TLK1: variants seen among roughly 807,000 people sequenced by gnomAD.
TLK1 encodes serine/threonine-protein kinase tousled-like 1.
A neutral mutation model predicts 105.3 loss-of-function variants in TLK1; 24 were observed. The observed-to-expected ratio is 0.23, with a 90% CI of 0.17 to 0.32. The LOEUF (loss-of-function observed/expected upper bound fraction) is 0.32, where lower values mean the gene tolerates loss of function less well. TLK1 is among the 10% of genes least tolerant of loss of function. TLK1 has a pLI of 1.00. For synonymous variants in TLK1, 321 were observed against 310.4 expected (o/e 1.03, Z -0.36); for missense variants, 558 against 910.5 (o/e 0.61, Z 4.98).
In TLK1 at chr2:171,007,068, G is replaced by A; in HGVS notation, c.1417-5C>T. On this transcript the variant is annotated splice_region_variant and splice_polypyrimidine_tract_variant and intron_variant, in intron 14 of 20. Coordinates refer to ENST00000431350, the MANE Select transcript of TLK1 (RefSeq NM_012290.5). ...TTGTTCATAAAGGTCAAAAGCCTAGGATTTCAAGTCAAAAACAATTAAGAT... is the reference window on the plus strand; with the variant it reads ...TTGTTCATAAAGGTCAAAAGCCTAGAATTTCAAGTCAAAAACAATTAAGAT... The A allele has an allele frequency of 1.3e-6, 2 of 1,587,760 alleles. No individual in the cohort carries two copies. Among genetic ancestry groups the A allele is most frequent in the Non-Finnish European group, 1.7e-6 (2 of 1,173,056 alleles).
intron 13 of TLK1, among the ~76,000 whole-genome samples, chr2:171,013,344 T>G (rs1685019122): frequency 1.4e-5 from 2 of 142,714 alleles, no homozygotes; most frequent in East Asian, 2.0e-4. Flanking sequence ...TTTTTTTTTT[T>G]GGAGACAAAG....
rs1575505058 is a variant in TLK1 at position 171,005,236 on chromosome 2, T to C, written c.1904+911A>G. Among the ~76,000 whole-genome samples the C allele has an allele frequency of 2.6e-5, 4 of 152,400 alleles. No homozygotes were observed. In the South Asian group the frequency reaches 8.3e-4, roughly 32 times the overall value. ...AGTTTATGTTCTCCACTTTGGTGAATTTAACAAGTTTGAAAATTCACACTG... is the reference window on the plus strand; with the variant it reads ...AGTTTATGTTCTCCACTTTGGTGAACTTAACAAGTTTGAAAATTCACACTG... On this transcript the variant is annotated intron_variant, in intron 18 of 20. Coordinates refer to ENST00000431350, the MANE Select transcript of TLK1 (RefSeq NM_012290.5).
chr2:171,060,921 T>C lies in TLK1; in HGVS notation c.406+160A>G, dbSNP rs555108340. Among the ~76,000 whole-genome samples, 34 of 152,326 alleles carry C rather than the reference T, an allele frequency of 2.2e-4. 1 individual carries two copies. Among genetic ancestry groups the C allele is most frequent in the African/African-American group, 5.3e-4 (22 of 41,578 alleles). On this transcript the variant is annotated intron_variant, in intron 4 of 20. Transcript: ENST00000431350. The stretch of plus-strand genomic sequence containing the variant: ...CCAAATGAAAACAATAAGGGCAACA[T>C]TGAAAAGCCTAAAAGCAATCATTAT...
rs1687362515 is a variant in TLK1, at chr2:171,053,752, A to G, written c.732+9T>C. On this transcript the variant is annotated intron_variant, in intron 8 of 20. Coordinates refer to ENST00000431350, the MANE Select transcript of TLK1 (RefSeq NM_012290.5). Reference sequence around the variant, plus strand: ...TCAATTTTTTTCCCCTCTATGACTCATTACTTACCCTGAGCAAATCATCTA... The same window carrying G: ...TCAATTTTTTTCCCCTCTATGACTCGTTACTTACCCTGAGCAAATCATCTA... The G allele has an allele frequency of 1.3e-6, 2 of 1,588,900 alleles. No homozygotes were observed. The highest frequency in any genetic ancestry group is 1.4e-5 in the African/African-American group (1 of 73,462).
chr2:171,199,172 C>T (rs2105318988), intron 1 of TLK1, among the ~76,000 whole-genome samples: 1 of 152,270 alleles, frequency 6.6e-6, no homozygotes, highest in South Asian at 2.1e-4. Context: ...GATCAGTTTT[C>T]TAGGCTAGCC....
intron 19 of TLK1, among the ~76,000 whole-genome samples, 193 bp downstream of exon 19, chr2:170,997,519 G>C (rs1684122982): frequency 6.6e-6 from 1 of 152,144 alleles, no homozygotes; most frequent in African/African-American, 2.4e-5. Flanking sequence ...AAAGCAAAAA[G>C]TAGGTCAAGT....
intron 2 of TLK1, among the ~76,000 whole-genome samples, chr2:171,111,076 A>G (rs1203954917): frequency 6.6e-6 from 1 of 152,236 alleles, no homozygotes; most frequent in East Asian, 1.9e-4. Flanking sequence ...AGAAAAAAAC[A>G]GTGAAAAAAA....
intron 14 of TLK1, among the ~76,000 whole-genome samples, chr2:171,009,284 T>C (rs1396665298): frequency 6.9e-6 from 1 of 144,754 alleles, no homozygotes; most frequent in East Asian, 2.0e-4. Context: ...AGTCAGGATT[T>C]CTTTTCCTTT....
intron 1 of TLK1, among the ~76,000 whole-genome samples, chr2:171,151,201 T>C (rs1692019356): frequency 6.6e-6 from 1 of 152,056 alleles, no homozygotes; most frequent in Admixed American, 6.6e-5. Flanking sequence ...TATATTTTTG[T>C]AGAGACAGGG....
intron 19 of TLK1, 31 bp from the exon 20 acceptor site, chr2:170,996,791 T>C: frequency 6.5e-7 from 1 of 1,548,620 alleles, no homozygotes; most frequent in Non-Finnish European, 8.8e-7. Flanking sequence ...TTGAGATACT[T>C]TTCTCACAAA....
At position 171,150,793 on chromosome 2, in the gene TLK1, C is replaced by A. The variant is rs547894695; in HGVS notation, c.139+9497G>T. ...ATTCCATCACCCTCCACATACAATA[C>A]CCAGTATGTGAACCAATACACTCAT... is the stretch of plus-strand genomic sequence containing the variant. On this transcript the variant is annotated intron_variant, in intron 1 of 20. Coordinates refer to ENST00000431350, the MANE Select transcript of TLK1 (RefSeq NM_012290.5). 2.0e-5 allele frequency among the ~76,000 whole-genome samples: 3 copies of A among 152,306 alleles called. No individual in the cohort carries two copies. In the South Asian group the frequency reaches 6.2e-4, roughly 32 times the overall value.
At chr2:171,141,269 T>C (rs1305065053) in intron 1 of TLK1, among the ~76,000 whole-genome samples, 1 of 152,208 alleles carries the variant, frequency 6.6e-6, no homozygotes, top group Non-Finnish European at 1.5e-5. Context: ...TTCTATTCTA[T>C]TGATAGAATG....
chr2:171,104,367 T>C (rs1689826510), intron 2 of TLK1, among the ~76,000 whole-genome samples: 1 of 151,366 alleles, frequency 6.6e-6, no homozygotes, highest in East Asian at 1.9e-4. Context: ...GGGGTTCCCT[T>C]TCTACAAGGA....
rs779861623 is a variant in TLK1 at position 170,993,519 on chromosome 2, C to T, written c.*261G>A. The T allele has an allele frequency of 4.6e-5, 15 of 325,620 alleles. No homozygotes were observed. Among genetic ancestry groups the T allele is most frequent in the Non-Finnish European group, 7.7e-5 (14 of 182,778 alleles). The allele number at this position is 325,620 out of a possible 1,614,324, so 20.2% of individuals were successfully genotyped here. A position where few individuals can be genotyped will look rare whatever the true frequency, so the allele number is the denominator to read the frequency against. The stretch of plus-strand genomic sequence containing the variant: ...TTTCCTCTATCTTAACATGGTATTC[C>T]TGTTTCTGTGTAACAGGCAGTCATC... On this transcript the variant is annotated 3_prime_UTR_variant, in exon 21 of 21. Coordinates refer to ENST00000431350, the MANE Select transcript of TLK1 (RefSeq NM_012290.5).
At chr2:171,181,447 T>C (rs1359655289) in intron 1 of TLK1, among the ~76,000 whole-genome samples, 1 of 152,194 alleles carries the variant, frequency 6.6e-6, no homozygotes, top group African/African-American at 2.4e-5. Flanking sequence ...TCTCAGTCCA[T>C]TTTGTGTTGC....
intron 2 of TLK1, among the ~76,000 whole-genome samples, chr2:171,092,607 A>G (rs1689284559): frequency 6.6e-6 from 1 of 152,178 alleles, no homozygotes; most frequent in African/African-American, 2.4e-5. Context: ...GTTTTTTGAA[A>G]TGTGGGTTAA....
chr2:171,027,509 C>A (rs1003325217), intron 12 of TLK1, among the ~76,000 whole-genome samples: 6 of 152,154 alleles, frequency 3.9e-5, no homozygotes, highest in Non-Finnish European at 7.4e-5. Context: ...TAACACATAG[C>A]AACATTTTTT....
In TLK1 at chr2:171,068,719, T is replaced by C. The variant is rs59426244; in HGVS notation, c.331-7563A>G. On this transcript the variant is annotated intron_variant, in intron 3 of 20. Transcript: ENST00000431350. ...TAGGTTTATATATAAAATAGTACGT[T>C]GTATAGTTCCCACATACTCCACTTT... Among the ~76,000 whole-genome samples the C allele has an allele frequency of 2.6e-5, 4 of 152,162 alleles. No individual in the cohort carries two copies. The East Asian group carries it at 5.8e-4, about 22-fold the overall frequency.
chr2:171,078,134 T>A (rs916546337), intron 3 of TLK1, among the ~76,000 whole-genome samples: 3 of 152,198 alleles, frequency 2.0e-5, no homozygotes, highest in African/African-American at 7.2e-5. Flanking sequence ...GTGATGCCCA[T>A]CTCAATCAAA....
Sources: gnomAD v4.1 joint callset for allele counts (sites outside exome capture counted in the v4.1 genomes callset) on GRCh38, gnomAD v4.1.1 for gene constraint, MANE v1.5 for transcripts, NCBI Gene and HGNC (gene_info 2026-07-23, HGNC 2026-07-21) for gene names.